Variants in CFAP206 observed in about 807,000 individuals in gnomAD.
The protein encoded by CFAP206 is cilia- and flagella-associated protein 206.
In CFAP206, 53 loss-of-function variants were observed where a neutral mutation model predicts 65.4. The observed-to-expected ratio is 0.81, with a 90% CI of 0.65 to 1.02. The LOEUF (loss-of-function observed/expected upper bound fraction) is 1.02, where lower values mean the gene tolerates loss of function less well. Ranked by LOEUF, CFAP206 falls within the 50% of genes least tolerant of loss-of-function variation. The pLI is 0.00. For synonymous variants in CFAP206, 250 were observed against 254.4 expected (o/e 0.98, Z 0.17); for missense variants, 663 against 753.2 (o/e 0.88, Z 1.40).
At chr6:87,434,137 C>T (rs1196226548) in intron 10 of CFAP206, among the ~76,000 whole-genome samples, 3 of 151,956 alleles carry the variant, frequency 2.0e-5, no homozygotes, top group Admixed American at 1.3e-4. Context: ...AACAGTGGCT[C>T]ATGCCTGTAA....
At chr6:87,437,560 T>G (rs1034156362) in intron 11 of CFAP206, among the ~76,000 whole-genome samples, 3 of 152,136 alleles carry the variant, frequency 2.0e-5, no homozygotes, top group Non-Finnish European at 4.4e-5. Context: ...TGTAGTCATA[T>G]CTATTAATTT....
chr6:87,443,832 G>C (rs1407759259), intron 11 of CFAP206, among the ~76,000 whole-genome samples: 1 of 152,036 alleles, frequency 6.6e-6, no homozygotes, highest in Non-Finnish European at 1.5e-5. Flanking sequence ...ATGTCCATGA[G>C]TACCCAGTGT....
chr6:87,416,873 A>T lies in CFAP206; in HGVS notation c.631+46A>T, dbSNP rs546754196. ...ATTCTAAAGGTTATGTATGTTTAAA[A>T]TTTAACTTGCACAGTGAGGAAAATA... On this transcript the variant is annotated intron_variant, in intron 6 of 12. Transcript: ENST00000369562. 5.9e-6 allele frequency: 9 copies of T among 1,522,992 alleles called. No homozygotes were observed. In the African/African-American group the frequency reaches 1.2e-4, roughly 21 times the overall value. The allele number at this position is 1,522,992 out of a possible 1,614,324, so 94.3% of individuals were successfully genotyped here.
chr6:87,454,984 A>G (rs12178951), intron 11 of CFAP206, among the ~76,000 whole-genome samples: 7,209 of 151,228 alleles, frequency 0.048, 239 homozygotes, highest in Middle Eastern at 0.092. Flanking sequence ...CTTTAGTGGC[A>G]TGATCTCTGC....
chr6:87,423,829 A>G (rs745927568), intron 7 of CFAP206, among the ~76,000 whole-genome samples: 7 of 152,192 alleles, frequency 4.6e-5, no homozygotes, highest in Non-Finnish European at 7.3e-5. Flanking sequence ...AAACAGCAGT[A>G]TGGGTAAAAT....
chr6:87,421,454 C>G (rs1192730093), intron 7 of CFAP206, among the ~76,000 whole-genome samples: 5 of 152,096 alleles, frequency 3.3e-5, no homozygotes, highest in Non-Finnish European at 7.3e-5. Context: ...CCACTGCATT[C>G]CAGCCTGGGC....
At chr6:87,462,186 T>C (rs906159400) in intron 12 of CFAP206, among the ~76,000 whole-genome samples, 1 of 152,060 alleles carries the variant, frequency 6.6e-6, no homozygotes, top group Non-Finnish European at 1.5e-5. Flanking sequence ...AGTCAAAGAG[T>C]TCTATTGTCA....
chr6:87,437,773 G>GCA, intron 11 of CFAP206, among the ~76,000 whole-genome samples: 1 of 148,972 alleles, frequency 6.7e-6, no homozygotes, highest in South Asian at 2.1e-4. Flanking sequence ...CTCTTGCCTT[G>GCA]AGCTTTTGTG....
At chr6:87,430,217 A>C (rs1430992103) in intron 9 of CFAP206, among the ~76,000 whole-genome samples, 1 of 152,224 alleles carries the variant, frequency 6.6e-6, no homozygotes, top group Admixed American at 6.5e-5. Flanking sequence ...TTTTCTCTAA[A>C]TTATGCATTT....
Position 87,431,192 on chromosome 6 carries a change from G to T in CFAP206, c.1300+19G>T, listed in dbSNP as rs766084646. 6.2e-7 allele frequency: 1 copy of T among 1,605,688 alleles called. No individual in the cohort carries two copies. The highest frequency in any genetic ancestry group is 1.7e-5 in the Admixed American group (1 of 58,822). On this transcript the variant is annotated intron_variant, in intron 10 of 12. Transcript: ENST00000369562. ...CTTCCAGGTATATCATTGGAAATGA[G>T]ACTGCTCTCCTTTCCCCGATTTTTT...
Position 87,415,798 on chromosome 6 carries a change from G to A in CFAP206, c.396G>A (p.Arg132=). Residue 132 remains arginine (R), a synonymous_variant, in exon 5 of 13, where the codon CGG becomes CGA. Coordinates refer to ENST00000369562, the MANE Select transcript of CFAP206 (RefSeq NM_001031743.3). The part of the protein sequence containing the change: ...CAKEELESLY[R]KIISYVLLRS... ...AAGAAGAATTGGAAAGCCTCTACCGGAAGATTATCAGCTATGTGTTACTCC... is the reference window on the plus strand; with the variant it reads ...AAGAAGAATTGGAAAGCCTCTACCGAAAGATTATCAGCTATGTGTTACTCC... The A allele has an allele frequency of 6.2e-7, 1 of 1,613,496 alleles. No individual in the cohort carries two copies. Among genetic ancestry groups the A allele is most frequent in the Admixed American group, 1.7e-5 (1 of 59,982 alleles).
Position 87,446,214 on chromosome 6 carries a change from C to T in CFAP206, c.1494+11161C>T, listed in dbSNP as rs567468002. Reference sequence around the variant, plus strand: ...AGAAGCTCTTTAGTTTAATTAGATCCCATTCATCAGTTTTTGCTTTTGTTG... The same window carrying T: ...AGAAGCTCTTTAGTTTAATTAGATCTCATTCATCAGTTTTTGCTTTTGTTG... On this transcript the variant is annotated intron_variant, in intron 11 of 12. Transcript: ENST00000369562. Among the ~76,000 whole-genome samples, 20 of 152,198 alleles carry T rather than the reference C, an allele frequency of 1.3e-4. No individual in the cohort carries two copies. In the South Asian group the frequency reaches 2.1e-3, roughly 16 times the overall value.
chr6:87,446,858 T>A (rs762864525), intron 11 of CFAP206, among the ~76,000 whole-genome samples: 16 of 152,230 alleles, frequency 1.1e-4, no homozygotes, highest in Non-Finnish European at 1.8e-4. Flanking sequence ...TTGTGTCTTC[T>A]CTGATTTCCT....
intron 11 of CFAP206, among the ~76,000 whole-genome samples, chr6:87,442,875 G>T (rs970017033): frequency 2.0e-5 from 3 of 152,064 alleles, no homozygotes; most frequent in Admixed American, 6.6e-5. Context: ...CTTGAATTCA[G>T]CTTTTTAATT....
chr6:87,408,061 C>A lies in CFAP206; in HGVS notation c.-34C>A, dbSNP rs554840206. On this transcript the variant is annotated 5_prime_UTR_variant, in exon 1 of 13. Transcript: ENST00000369562. ...GGGCCCCAGGACAGAAGCAGACAGA[C>A]ACGGCTCCTGCTGTCGATTCCGATC... 3,470 of 985,402 alleles carry A rather than the reference C, an allele frequency of 3.5e-3. 85 individuals carry two copies. In the African/African-American group the frequency reaches 0.055, roughly 16 times the overall value. The allele number at this position is 985,402 out of a possible 1,614,324, so 61.0% of individuals were successfully genotyped here.
chr6:87,435,399 A>C (rs1453821838), intron 11 of CFAP206: 1 of 168,956 alleles, frequency 5.9e-6, no homozygotes, highest in African/African-American at 2.4e-5. Context: ...CAGAGCTGCA[A>C]AACAATTTAA....
In CFAP206 at chr6:87,428,784, G is replaced by T; in HGVS notation, c.1119G>T (p.Ala373=). The change falls in exon 9 of 13, where the codon GCG becomes GCT. Residue 373 remains alanine (A), a synonymous_variant. Coordinates refer to ENST00000369562, the MANE Select transcript of CFAP206 (RefSeq NM_001031743.3). ...TGATGCAATGTCATCTTAATGGAGC[G>T]ACTGTGAAAACTGATGTGTGTAGAA... is the stretch of plus-strand genomic sequence containing the variant. ...ERVMQCHLNG[A]TVKTDVCRMK... 6.2e-7 allele frequency: 1 copy of T among 1,614,074 alleles called. No individual in the cohort carries two copies. Among genetic ancestry groups the T allele is most frequent in the South Asian group, 1.1e-5 (1 of 91,064 alleles).
chr6:87,455,962 T>A (rs1329621070), intron 11 of CFAP206, among the ~76,000 whole-genome samples: 1 of 152,132 alleles, frequency 6.6e-6, no homozygotes, highest in Non-Finnish European at 1.5e-5. Context: ...CTACTCAAAC[T>A]CTTTCAAAAA....
chr6:87,428,233 C>T (rs1768087190), intron 8 of CFAP206, among the ~76,000 whole-genome samples: 1 of 151,782 alleles, frequency 6.6e-6, no homozygotes, highest in Non-Finnish European at 1.5e-5. Flanking sequence ...GGTGATCCGC[C>T]CACCTTGGCC....
Sources: gnomAD v4.1 joint callset for allele counts (sites outside exome capture counted in the v4.1 genomes callset) on GRCh38, gnomAD v4.1.1 for gene constraint, MANE v1.5 for transcripts, NCBI Gene and HGNC (gene_info 2026-07-23, HGNC 2026-07-21) for gene names.